The following CLEC16A variants were observed in gnomAD, a reference collection of about 807,000 sequenced individuals.
CLEC16A encodes the protein protein CLEC16A.
A neutral mutation model predicts 109.5 loss-of-function variants in CLEC16A; 51 were observed. The observed-to-expected ratio is 0.47, with a 90% CI of 0.37 to 0.59. The LOEUF is 0.59. CLEC16A is among the 20% of genes least tolerant of loss of function. The pLI, the probability that CLEC16A is intolerant of heterozygous loss-of-function variation, is 0.00. For synonymous variants in CLEC16A, 673 were observed against 564.2 expected (o/e 1.19, Z -2.73); for missense variants, 1,339 against 1,394.0 (o/e 0.96, Z 0.63).
rs201637791 is a variant in CLEC16A, at chr16:11,180,237, A to C, written c.*1547A>C. 56 of 152,298 alleles carry C rather than the reference A, an allele frequency of 3.7e-4. No homozygotes were observed. The highest frequency in any genetic ancestry group is 1.3e-3 in the African/African-American group (53 of 41,438). The allele number at this position is 152,298 out of a possible 1,614,324, so 9.4% of individuals were successfully genotyped here. ...CAAGGCCTGCCGAGGGCAGTTTTCA[A>C]CCTCATGAAGGAAACACAGTCCTGC... On this transcript the variant is annotated 3_prime_UTR_variant, in exon 24 of 24. Transcript: ENST00000409790.
intron 23 of CLEC16A, among the ~76,000 whole-genome samples, chr16:11,177,826 C>A (rs2068817501): frequency 6.7e-6 from 1 of 150,176 alleles, no homozygotes; most frequent in Non-Finnish European, 1.5e-5. Context: ...TTTGGTTTTG[C>A]AAGCTGAAAA....
intron 22 of CLEC16A, among the ~76,000 whole-genome samples, chr16:11,147,488 G>A (rs893680608): frequency 2.0e-5 from 3 of 152,252 alleles, no homozygotes; most frequent in African/African-American, 7.2e-5. Context: ...CTCTGAAGGC[G>A]AGGTTCCAGG....
At chr16:11,163,189 T>A (rs137944642) in intron 22 of CLEC16A, among the ~76,000 whole-genome samples, 9 of 152,302 alleles carry the variant, frequency 5.9e-5, no homozygotes, top group African/African-American at 1.9e-4. Context: ...GCTCTGGCCA[T>A]AGACATTCAC....
At chr16:11,092,680 C>T (rs1034340333) in intron 19 of CLEC16A, among the ~76,000 whole-genome samples, 7 of 152,214 alleles carry the variant, frequency 4.6e-5, no homozygotes, top group African/African-American at 1.2e-4. Context: ...TTGGTTCCTT[C>T]CTTCCTTTTG....
intron 1 of CLEC16A, among the ~76,000 whole-genome samples, chr16:10,951,452 T>C (rs2041727894): frequency 6.6e-6 from 1 of 152,216 alleles, no homozygotes; most frequent in African/African-American, 2.4e-5. Context: ...GCCAATAAAA[T>C]TGTTGCTTAC....
intron 3 of CLEC16A, among the ~76,000 whole-genome samples, chr16:10,967,973 C>A (rs1390621360): frequency 6.6e-6 from 1 of 152,240 alleles, no homozygotes; most frequent in Non-Finnish European, 1.5e-5. Context: ...TCCTACAGGT[C>A]TGACAAGCTC....
At chr16:11,032,366 C>T (rs1401544916) in intron 13 of CLEC16A, among the ~76,000 whole-genome samples, 3 of 152,184 alleles carry the variant, frequency 2.0e-5, no homozygotes, top group African/African-American at 7.2e-5. Context: ...TGAGCTGACC[C>T]ACTCTGCACC....
intron 11 of CLEC16A, among the ~76,000 whole-genome samples, chr16:11,017,553 T>C (rs1413067423): frequency 6.6e-6 from 1 of 152,236 alleles, no homozygotes; most frequent in Admixed American, 6.5e-5. Context: ...ACTGACTTTC[T>C]TCCACAGAGT....
intron 19 of CLEC16A, among the ~76,000 whole-genome samples, chr16:11,114,795 G>T (rs528626838): frequency 6.6e-6 from 1 of 152,084 alleles, no homozygotes; most frequent in Admixed American, 6.5e-5. Context: ...CCCAAAACCC[G>T]CAATTCCTTG....
chr16:11,149,032 A>G (rs2054186501), intron 22 of CLEC16A, among the ~76,000 whole-genome samples: 2 of 152,250 alleles, frequency 1.3e-5, no homozygotes, highest in South Asian at 4.1e-4. Flanking sequence ...CCAAAAAGCA[A>G]TCAAAGGCCA....
At chr16:11,053,676 G>A (rs549966843) in intron 18 of CLEC16A, among the ~76,000 whole-genome samples, 36 of 152,224 alleles carry the variant, frequency 2.4e-4, no homozygotes, top group African/African-American at 8.7e-4. Context: ...CTGTCCACAG[G>A]GGAAGAAATT....
At chr16:10,948,566 C>A (rs1186137984) in intron 1 of CLEC16A, among the ~76,000 whole-genome samples, 1 of 152,196 alleles carries the variant, frequency 6.6e-6, no homozygotes, top group Non-Finnish European at 1.5e-5. Context: ...ATCATCTTTA[C>A]CAGGGACTGC....
At chr16:11,114,664 G>T (rs540756232) in intron 19 of CLEC16A, among the ~76,000 whole-genome samples, 14 of 152,322 alleles carry the variant, frequency 9.2e-5, no homozygotes, top group African/African-American at 3.4e-4. Context: ...CCCCATGGCA[G>T]TCCCAAGGTG....
intron 13 of CLEC16A, among the ~76,000 whole-genome samples, chr16:11,026,644 G>GT (rs2046417216): frequency 2.4e-5 from 3 of 127,580 alleles, no homozygotes; most frequent in African/African-American, 3.4e-5. Context: ...GTTTGTTTGG[G>GT]GTTTTTTTTT....
intron 18 of CLEC16A, among the ~76,000 whole-genome samples, chr16:11,055,497 G>A (rs1054645095): frequency 1.3e-5 from 2 of 150,868 alleles, no homozygotes; most frequent in South Asian, 2.1e-4. Context: ...GGGCAGGAGC[G>A]CAGCTACAGG....
intron 19 of CLEC16A, among the ~76,000 whole-genome samples, chr16:11,098,692 C>T (rs556311880): frequency 4.6e-5 from 7 of 152,192 alleles, no homozygotes; most frequent in African/African-American, 1.7e-4. Context: ...GGCCTCCCTT[C>T]GAGGAACCCT....
intron 1 of CLEC16A, among the ~76,000 whole-genome samples, chr16:10,945,324 C>G (rs1405108874): frequency 6.6e-6 from 1 of 152,148 alleles, no homozygotes; most frequent in Admixed American, 6.5e-5. Context: ...TACAATTGCT[C>G]ATTAAACGGC....
intron 7 of CLEC16A, 31 bp from the exon 8 acceptor site, chr16:10,977,194 T>G: frequency 6.2e-7 from 1 of 1,604,032 alleles, no homozygotes; most frequent in Non-Finnish European, 8.5e-7. Flanking sequence ...AGTGTTGGCC[T>G]CCAGGCTGAG....
intron 19 of CLEC16A, among the ~76,000 whole-genome samples, chr16:11,067,568 T>C (rs2063241074): frequency 6.6e-6 from 1 of 152,120 alleles, no homozygotes; most frequent in Non-Finnish European, 1.5e-5. Flanking sequence ...TAGGAAGCCA[T>C]GCAGGCCCTG....
Sources: allele counts gnomAD v4.1 joint callset (sites outside exome capture counted in the v4.1 genomes callset), GRCh38; gene constraint gnomAD v4.1.1; transcripts MANE v1.5; gene names NCBI Gene and HGNC (gene_info 2026-07-23, HGNC 2026-07-21).